Variants in AGBL4 observed in about 807,000 individuals in gnomAD.
AGBL4 encodes the protein AGBL carboxypeptidase 4, also known as cytosolic carboxypeptidase 6.
AGBL4 carries 58 observed loss-of-function variants against 66.4 expected under a neutral mutation model. The ratio of observed to expected loss-of-function variants is 0.87; its 90% CI spans 0.71 to 1.09. The LOEUF (loss-of-function observed/expected upper bound fraction) is 1.09, where lower values mean the gene tolerates loss of function less well. AGBL4 is among the 50% of genes least tolerant of loss of function. The pLI, the probability that AGBL4 is intolerant of heterozygous loss-of-function variation, is 0.00. For missense variants in AGBL4, 579 were observed against 631.0 expected, an observed-to-expected ratio of 0.92 and a Z score of 0.88; for synonymous variants, 234 against 222.9, an observed-to-expected ratio of 1.05 and a Z score of -0.44.
chr1:49,939,191 T>G (rs369813403), intron 1 of AGBL4, among the ~76,000 whole-genome samples: 27 of 151,360 alleles, frequency 1.8e-4, no homozygotes, highest in South Asian at 4.2e-4. Context: ...CACTGCTCAA[T>G]GAAATAAAAG....
chr1:49,282,026 A>G (rs752295694), intron 3 of AGBL4, among the ~76,000 whole-genome samples: 14 of 152,118 alleles, frequency 9.2e-5, no homozygotes, highest in Admixed American at 2.6e-4. Flanking sequence ...GTGGGAGGCA[A>G]GCTTGTGGAA....
At chr1:49,592,813 G>A (rs1032849574) in intron 3 of AGBL4, among the ~76,000 whole-genome samples, 1 of 152,156 alleles carries the variant, frequency 6.6e-6, no homozygotes, top group Non-Finnish European at 1.5e-5. Flanking sequence ...TTCAGCCACT[G>A]CAGAAAGCAG....
intron 6 of AGBL4, among the ~76,000 whole-genome samples, chr1:48,734,585 C>T (rs1648712985): frequency 6.6e-6 from 1 of 152,224 alleles, no homozygotes. Flanking sequence ...CTTCCTTCTA[C>T]ATCCCAGCCA....
At chr1:48,705,693 T>C (rs982958980) in intron 6 of AGBL4, among the ~76,000 whole-genome samples, 1 of 152,192 alleles carries the variant, frequency 6.6e-6, no homozygotes, top group Non-Finnish European at 1.5e-5. Context: ...AATTACACAG[T>C]AATGTTAAAA....
chr1:49,064,165 GTA>G lies in AGBL4; in HGVS notation c.378-18367_378-18366del, dbSNP rs1304135367. Among the ~76,000 whole-genome samples the G allele has an allele frequency of 2.0e-5, 3 of 152,368 alleles. No homozygotes were observed. The East Asian group carries it at 5.8e-4, about 29-fold the overall frequency. On this transcript the variant is annotated intron_variant, in intron 4 of 13. Transcript: ENST00000371839. Reference sequence around the variant, plus strand: ...AGTAGGCTACAGTTGGTAGCTGTCAGTATTGTCCACTTTTCTTTATATGAACA... The same window carrying G: ...AGTAGGCTACAGTTGGTAGCTGTCAGTTGTCCACTTTTCTTTATATGAACA...
At chr1:50,020,093 A>T (rs1662331352) in intron 1 of AGBL4, among the ~76,000 whole-genome samples, 1 of 152,008 alleles carries the variant, frequency 6.6e-6, no homozygotes, top group Non-Finnish European at 1.5e-5. Flanking sequence ...TATTCCTCCA[A>T]GAAATTCCTC....
chr1:48,597,252 C>G (rs534067018), intron 9 of AGBL4, among the ~76,000 whole-genome samples: 6 of 152,202 alleles, frequency 3.9e-5, no homozygotes, highest in East Asian at 1.9e-4. Flanking sequence ...ATCCATTCAT[C>G]TGGCAAATAT....
intron 2 of AGBL4, among the ~76,000 whole-genome samples, chr1:49,802,929 T>C (rs899318655): frequency 1.3e-5 from 2 of 152,102 alleles, no homozygotes; most frequent in Non-Finnish European, 2.9e-5. Flanking sequence ...CACATAAAAA[T>C]AAACTTTTCA....
intron 2 of AGBL4, among the ~76,000 whole-genome samples, chr1:49,799,050 T>A (rs1644797506): frequency 6.6e-6 from 1 of 152,122 alleles, no homozygotes; most frequent in South Asian, 2.1e-4. Context: ...ATAATAATAA[T>A]GTTGCTATGA....
intron 6 of AGBL4, among the ~76,000 whole-genome samples, chr1:48,843,570 T>C (rs1487680034): frequency 6.6e-6 from 1 of 152,184 alleles, no homozygotes; most frequent in African/African-American, 2.4e-5. Flanking sequence ...TATACAATTA[T>C]ATAATATTCA....
At position 48,732,924 on chromosome 1, in the gene AGBL4, C is replaced by G. The variant is rs17104732; in HGVS notation, c.635-69683G>C. ...GGGAAGAAATCCCCAGCGTGCAGAA[C>G]AGGTTTCTCAGTGAAGGAGGAATGA... On this transcript the variant is annotated intron_variant, in intron 6 of 13. Coordinates refer to ENST00000371839, the MANE Select transcript of AGBL4 (RefSeq NM_032785.4). Among the ~76,000 whole-genome samples, 772 of 152,264 alleles carry G rather than the reference C, an allele frequency of 5.1e-3. 9 individuals carry two copies. The highest frequency in any genetic ancestry group is 0.018 in the African/African-American group (742 of 41,546).
At chr1:49,386,863 G>A (rs183461981) in intron 3 of AGBL4, among the ~76,000 whole-genome samples, 317 of 151,888 alleles carry the variant, frequency 2.1e-3, no homozygotes, top group African/African-American at 7.2e-3. Flanking sequence ...GTGAGACCTT[G>A]GGCAAGGTTT....
intron 2 of AGBL4, among the ~76,000 whole-genome samples, chr1:49,706,669 C>G (rs1045333870): frequency 1.3e-5 from 2 of 152,104 alleles, no homozygotes; most frequent in African/African-American, 4.8e-5. Flanking sequence ...TTCCTACTTT[C>G]TCATGAGGGC....
At chr1:49,926,242 A>G (rs770729855) in intron 1 of AGBL4, among the ~76,000 whole-genome samples, 1 of 152,206 alleles carries the variant, frequency 6.6e-6, no homozygotes, top group Non-Finnish European at 1.5e-5. Context: ...CTGCCTGGTA[A>G]TCCAGAGAAT....
chr1:49,948,370 AAAATATATAAATATATAT>A (rs1215605982), intron 1 of AGBL4, among the ~76,000 whole-genome samples: 6 of 109,368 alleles, frequency 5.5e-5, no homozygotes, highest in East Asian at 2.4e-4. Flanking sequence ...ATAAATACAT[AAAATATATAAATATATAT>A]AAATATATAA....
chr1:48,687,512 A>G (rs1646554431), intron 6 of AGBL4, among the ~76,000 whole-genome samples: 1 of 152,214 alleles, frequency 6.6e-6, no homozygotes, highest in South Asian at 2.1e-4. Context: ...TCGTGGAGGC[A>G]GGGAGCGAGG....
At chr1:48,716,073 C>T (rs1229737208) in intron 6 of AGBL4, among the ~76,000 whole-genome samples, 6 of 152,142 alleles carry the variant, frequency 3.9e-5, no homozygotes, top group South Asian at 2.1e-4. Context: ...ACAGCAGTCA[C>T]GGGGCATATG....
chr1:48,882,646 A>G (rs918199779), intron 5 of AGBL4, among the ~76,000 whole-genome samples: 3 of 152,314 alleles, frequency 2.0e-5, no homozygotes, highest in African/African-American at 7.2e-5. Flanking sequence ...GAGAACACTC[A>G]CGATATATTC....
chr1:48,999,095 G>C (rs1661215504), intron 5 of AGBL4, among the ~76,000 whole-genome samples: 1 of 152,180 alleles, frequency 6.6e-6, no homozygotes. Flanking sequence ...TGTCAGTTCA[G>C]GTATGGCAGC....
Sources: gnomAD v4.1 joint callset for allele counts (sites outside exome capture counted in the v4.1 genomes callset) on GRCh38, gnomAD v4.1.1 for gene constraint, MANE v1.5 for transcripts, NCBI Gene and HGNC (gene_info 2026-07-23, HGNC 2026-07-21) for gene names.